The following KCNMA1 variants were observed in gnomAD, a reference collection of about 807,000 sequenced individuals.
The protein encoded by KCNMA1 is potassium calcium-activated channel subfamily M alpha 1.
KCNMA1 carries 29 observed loss-of-function variants against 140.0 expected under a neutral mutation model. The observed-to-expected ratio is 0.21, with a 90% CI of 0.15 to 0.28. The LOEUF (loss-of-function observed/expected upper bound fraction) is 0.28, where lower values mean the gene tolerates loss of function less well. KCNMA1 is among the 10% of genes least tolerant of loss of function. The pLI is 1.00. For missense variants in KCNMA1, 880 were observed against 1,602.2 expected (o/e 0.55, Z 7.70); for synonymous variants, 612 against 611.9 (o/e 1.00, Z 0.00).
At chr10:77,480,714 G>C (rs1218587437) in intron 1 of KCNMA1, among the ~76,000 whole-genome samples, 2 of 152,040 alleles carry the variant, frequency 1.3e-5, no homozygotes, top group Non-Finnish European at 2.9e-5. Context: ...AGCTTGCCTA[G>C]CGCAGCTTCC....
intron 3 of KCNMA1, among the ~76,000 whole-genome samples, chr10:77,190,622 A>C (rs1169682971): frequency 1.3e-5 from 2 of 152,178 alleles, no homozygotes; most frequent in Non-Finnish European, 2.9e-5. Flanking sequence ...CTGCCCTAGA[A>C]AATAACTGAT....
chr10:77,404,485 C>G (rs543664777), intron 1 of KCNMA1, among the ~76,000 whole-genome samples: 5 of 152,208 alleles, frequency 3.3e-5, no homozygotes, highest in Non-Finnish European at 4.4e-5. Flanking sequence ...ACCATGTTGG[C>G]CAGGCTGGTC....
intron 3 of KCNMA1, among the ~76,000 whole-genome samples, chr10:77,216,849 C>A (rs1477162301): frequency 6.6e-6 from 1 of 152,122 alleles, no homozygotes; most frequent in Non-Finnish European, 1.5e-5. Flanking sequence ...TCAAGATAAA[C>A]ATTATATTCC....
At chr10:77,123,559 G>A (rs74592189) in intron 5 of KCNMA1, among the ~76,000 whole-genome samples, 14 of 152,276 alleles carry the variant, frequency 9.2e-5, no homozygotes, top group South Asian at 6.2e-4. Flanking sequence ...GAAACGTGGA[G>A]TAGAAGGCGA....
chr10:76,969,531 T>C (rs2075367129), intron 20 of KCNMA1, among the ~76,000 whole-genome samples: 1 of 152,190 alleles, frequency 6.6e-6, no homozygotes, highest in Non-Finnish European at 1.5e-5. Context: ...GGTTCATTTT[T>C]GATTGTGATG....
In KCNMA1 at chr10:77,330,653, C is replaced by T. The variant is rs1193129442; in HGVS notation, c.540+73209G>A. ...CGATTATACAGAAAGGTAGCTGAGGCCTAGAGATTGACATGACTTGCTAAA... is the reference window on the plus strand; with the variant it reads ...CGATTATACAGAAAGGTAGCTGAGGTCTAGAGATTGACATGACTTGCTAAA... On this transcript the variant is annotated intron_variant, in intron 2 of 27. Coordinates refer to ENST00000286628, the MANE Select transcript of KCNMA1 (RefSeq NM_001161352.2). Among the ~76,000 whole-genome samples the T allele has an allele frequency of 2.6e-5, 4 of 152,100 alleles. No individual in the cohort carries two copies. In the East Asian group the frequency reaches 7.7e-4, roughly 29 times the overall value.
intron 1 of KCNMA1, among the ~76,000 whole-genome samples, chr10:77,607,236 G>T (rs2084874376): frequency 6.6e-6 from 1 of 152,222 alleles, no homozygotes; most frequent in Non-Finnish European, 1.5e-5. Context: ...AGGTGAGGAG[G>T]ATAATGGACA....
intron 18 of KCNMA1, among the ~76,000 whole-genome samples, chr10:77,008,867 GT>G (rs1251673189): frequency 6.6e-6 from 1 of 152,250 alleles, no homozygotes; most frequent in Non-Finnish European, 1.5e-5. Flanking sequence ...CCCCCAGTGT[GT>G]TACTAATAAT....
rs547109948 is a variant in KCNMA1 at position 77,316,690 on chromosome 10, T to A, written c.541-65434A>T. ...CTGAACCCACCACCTCAGCCAATAA[T>A]TTTAGGCAAGTCATTTAAACTTTCC... On this transcript the variant is annotated intron_variant, in intron 2 of 27. Coordinates refer to ENST00000286628, the MANE Select transcript of KCNMA1 (RefSeq NM_001161352.2). Among the ~76,000 whole-genome samples, 3 of 152,210 alleles carry A rather than the reference T, an allele frequency of 2.0e-5. No individual in the cohort carries two copies. The South Asian group carries it at 6.2e-4, about 32-fold the overall frequency.
intron 2 of KCNMA1, among the ~76,000 whole-genome samples, chr10:77,272,312 C>T (rs2065377879): frequency 6.6e-6 from 1 of 152,118 alleles, no homozygotes; most frequent in East Asian, 1.9e-4. Context: ...TGAATGAATA[C>T]CCTCCTTAAA....
At chr10:77,538,092 C>T (rs915103228) in intron 1 of KCNMA1, among the ~76,000 whole-genome samples, 10 of 151,614 alleles carry the variant, frequency 6.6e-5, no homozygotes, top group Admixed American at 5.9e-4. Context: ...CATACTCTCA[C>T]ATTCACATAC....
At chr10:77,230,716 A>G (rs1364740867) in intron 3 of KCNMA1, among the ~76,000 whole-genome samples, 2 of 152,212 alleles carry the variant, frequency 1.3e-5, no homozygotes, top group African/African-American at 4.8e-5. Flanking sequence ...TCTCAAGTGT[A>G]ACTGAGAGCC....
At chr10:77,541,038 A>C (rs1219399474) in intron 1 of KCNMA1, among the ~76,000 whole-genome samples, 1 of 152,160 alleles carries the variant, frequency 6.6e-6, no homozygotes, top group African/African-American at 2.4e-5. Flanking sequence ...GGAGAACAGA[A>C]TATGATCTAC....
chr10:77,409,026 C>T (rs1216312804), intron 1 of KCNMA1, among the ~76,000 whole-genome samples: 1 of 152,220 alleles, frequency 6.6e-6, no homozygotes, highest in Non-Finnish European at 1.5e-5. Flanking sequence ...GACACCCACC[C>T]TACCAGGCAA....
intron 5 of KCNMA1, among the ~76,000 whole-genome samples, chr10:77,179,033 G>A (rs1036508510): frequency 1.3e-5 from 2 of 152,110 alleles, no homozygotes; most frequent in African/African-American, 4.8e-5. Context: ...TTTCTCCTGC[G>A]GTGCTTTAAA....
intron 1 of KCNMA1, among the ~76,000 whole-genome samples, chr10:77,532,424 C>T (rs1054821479): frequency 6.6e-6 from 1 of 152,190 alleles, no homozygotes; most frequent in Non-Finnish European, 1.5e-5. Context: ...AGGGACTGAC[C>T]AGCGAATGAA....
intron 1 of KCNMA1, among the ~76,000 whole-genome samples, chr10:77,416,255 G>A (rs149062225): frequency 3.3e-4 from 51 of 152,258 alleles, no homozygotes; most frequent in Non-Finnish European, 6.0e-4. Context: ...TAGGGTCTGA[G>A]GGATGGAGGC....
chr10:77,207,615 T>C (rs1449322934), intron 3 of KCNMA1, among the ~76,000 whole-genome samples: 1 of 152,180 alleles, frequency 6.6e-6, no homozygotes, highest in Non-Finnish European at 1.5e-5. Context: ...ACCTGACCTA[T>C]TGAACATCTG....
At chr10:76,907,403 C>T (rs2048237734) in intron 25 of KCNMA1, among the ~76,000 whole-genome samples, 2 of 152,162 alleles carry the variant, frequency 1.3e-5, no homozygotes. Context: ...TACCATATGC[C>T]CCTTTGGCTG....
Sources: allele counts gnomAD v4.1 joint callset (sites outside exome capture counted in the v4.1 genomes callset), GRCh38; gene constraint gnomAD v4.1.1; transcripts MANE v1.5; gene names NCBI Gene and HGNC (gene_info 2026-07-23, HGNC 2026-07-21).